Variants in AAGAB observed in about 807,000 individuals in gnomAD.
AAGAB encodes the protein alpha and gamma adaptin binding protein.
AAGAB carries 38 observed loss-of-function variants against 44.1 expected under a neutral mutation model. That is an observed-to-expected ratio of 0.86 (90% CI 0.67 to 1.13). The LOEUF (loss-of-function observed/expected upper bound fraction) is 1.13, where lower values mean the gene tolerates loss of function less well. AAGAB is among the 50% of genes most tolerant of loss of function. The probability of loss-of-function intolerance (pLI) is 0.00; values close to 1 mark genes in which losing one functional copy is unlikely to be tolerated. For synonymous variants in AAGAB, 131 were observed against 131.8 expected, an observed-to-expected ratio of 0.99 and a Z score of 0.04; for missense variants, 450 against 373.8, an observed-to-expected ratio of 1.20 and a Z score of -1.68.
chr15:67,226,820 A>G (rs1964215622), intron 5 of AAGAB: 2 of 161,724 alleles, frequency 1.2e-5, no homozygotes, highest in Non-Finnish European at 2.8e-5. Context: ...TAAATCATGA[A>G]TTCCCATATA....
At chr15:67,205,854 A>G (rs1338945028) in intron 7 of AAGAB, among the ~76,000 whole-genome samples, 4 of 151,254 alleles carry the variant, frequency 2.6e-5, no homozygotes, top group Non-Finnish European at 5.9e-5. Flanking sequence ...GTTTTTGTTG[A>G]TTTGGTTTTG....
Position 67,212,753 on chromosome 15 carries a change from T to TA in AAGAB, c.536-3210dup, listed in dbSNP as rs113442234. Among the ~76,000 whole-genome samples, 864 of 152,352 alleles carry TA rather than the reference T, an allele frequency of 5.7e-3. 6 individuals are homozygous for TA. The highest frequency in any genetic ancestry group is 0.02 in the African/African-American group (816 of 41,580). ...GCATATTAACATTGCTCAAAAAACT[T>TA]AGATGATATTTTATATACCTATGGC... On this transcript the variant is annotated intron_variant, in intron 5 of 9. Coordinates refer to ENST00000261880, the MANE Select transcript of AAGAB (RefSeq NM_024666.5).
chr15:67,241,722 A>G (rs1964604272), intron 1 of AAGAB, among the ~76,000 whole-genome samples: 1 of 152,226 alleles, frequency 6.6e-6, no homozygotes, highest in Non-Finnish European at 1.5e-5. Flanking sequence ...TATGTCTAAG[A>G]AAGTGCAGGC....
Position 67,236,713 on chromosome 15 carries a change from A to G in AAGAB, c.181T>C (p.Cys61Arg), listed in dbSNP as rs1420253695. 2 of 1,613,882 alleles carry G rather than the reference A, an allele frequency of 1.2e-6. No homozygotes were observed. Among genetic ancestry groups the G allele is most frequent in the South Asian group, 1.1e-5 (1 of 91,082 alleles). Reference protein sequence around the residue: ...NKYYSADINLCVVPNKFLVTA... With the variant: ...NKYYSADINLRVVPNKFLVTA... ...ACAAGAAATTTGTTTGGCACCACAC[A>G]TAGATTGATGTCTGCTGAATAGTAT... The change falls in exon 2 of 10, where the codon TGT becomes CGT. Residue 61 changes from cysteine to arginine, a missense_variant. Physicochemically the swap from Cys to Arg is radical, Grantham distance 180. Coordinates refer to ENST00000261880, the MANE Select transcript of AAGAB (RefSeq NM_024666.5).
chr15:67,236,688 A>T lies in AAGAB; in HGVS notation c.206T>A (p.Val69Asp), dbSNP rs756227926. The T allele has an allele frequency of 3.1e-6, 5 of 1,614,128 alleles. No homozygotes were observed. Among genetic ancestry groups the T allele is most frequent in the Non-Finnish European group, 3.4e-6 (4 of 1,180,000 alleles). ...GACAGATTCTGCAATCTCTGCAGTA[A>T]CAAGAAATTTGTTTGGCACCACACA... ...NLCVVPNKFL[V>D]TAEIAESVQA... Residue 69 changes from valine (V) to aspartate (D), a missense_variant, in exon 2 of 10, where the codon GTT (valine) becomes GAT (aspartate). Coordinates refer to ENST00000261880, the MANE Select transcript of AAGAB (RefSeq NM_024666.5).
chr15:67,229,970 C>T (rs1351151271), intron 5 of AAGAB, among the ~76,000 whole-genome samples: 1 of 151,972 alleles, frequency 6.6e-6, no homozygotes, highest in Admixed American at 6.5e-5. Flanking sequence ...CCTCAGCCTC[C>T]TGAGTAGCTG....
chr15:67,246,510 C>T (rs1177682412), intron 1 of AAGAB, among the ~76,000 whole-genome samples: 3 of 152,132 alleles, frequency 2.0e-5, no homozygotes, highest in African/African-American at 7.2e-5. Flanking sequence ...TCTGTGTGTA[C>T]TGGCTCCAAC....
intron 6 of AAGAB, 60 bp from the exon 7 acceptor site, chr15:67,208,718 C>CA: frequency 6.8e-7 from 1 of 1,462,230 alleles, no homozygotes; most frequent in Non-Finnish European, 9.5e-7. Flanking sequence ...GAACTAAATC[C>CA]AAAAAAGCTC....
chr15:67,236,152 T>C, intron 3 of AAGAB, 84 bp from the exon 4 acceptor site: 4 of 1,112,586 alleles, frequency 3.6e-6, no homozygotes, highest in Non-Finnish European at 5.3e-6. Context: ...CAAATCTCAA[T>C]GTGTTTCCCT....
chr15:67,246,233 T>C (rs1261800813), intron 1 of AAGAB, among the ~76,000 whole-genome samples: 1 of 151,768 alleles, frequency 6.6e-6, no homozygotes, highest in Non-Finnish European at 1.5e-5. Context: ...ATACAAATAT[T>C]AGCCAGATGT....
At chr15:67,251,714 G>T (rs1177676007) in intron 1 of AAGAB, among the ~76,000 whole-genome samples, 1 of 152,156 alleles carries the variant, frequency 6.6e-6, no homozygotes, top group African/African-American at 2.4e-5. Context: ...TCCCAAAAAG[G>T]TAGATCCAAT....
intron 4 of AAGAB, among the ~76,000 whole-genome samples, chr15:67,233,152 C>G (rs1276447630): frequency 6.6e-6 from 1 of 152,170 alleles, no homozygotes; most frequent in African/African-American, 2.4e-5. Context: ...AATGCTCTAT[C>G]CTGTGCTGGA....
chr15:67,249,282 C>A lies in AAGAB; in HGVS notation c.73+5277G>T, dbSNP rs549569404. ...ACTCCTGACCTCAGGTGATCAGCCC[C>A]CCTCGGACTCCCAAAGTGCTGGGAT... On this transcript the variant is annotated intron_variant, in intron 1 of 9. Transcript: ENST00000261880. Among the ~76,000 whole-genome samples the A allele has an allele frequency of 6.8e-4, 104 of 152,180 alleles. 4 individuals carry two copies. In the East Asian group the frequency reaches 0.012, roughly 18 times the overall value.
chr15:67,252,890 A>G (rs760642935), intron 1 of AAGAB, among the ~76,000 whole-genome samples: 7 of 152,236 alleles, frequency 4.6e-5, no homozygotes, highest in Non-Finnish European at 1.0e-4. Context: ...GGTGTAGCAA[A>G]GAAATTATAA....
intron 1 of AAGAB, among the ~76,000 whole-genome samples, chr15:67,244,505 A>G (rs1422305684): frequency 6.6e-6 from 1 of 152,168 alleles, no homozygotes; most frequent in Non-Finnish European, 1.5e-5. Flanking sequence ...AACCAATTTA[A>G]AAGCGGGCAA....
intron 5 of AAGAB, chr15:67,220,407 A>G (rs969208095): frequency 6.6e-6 from 1 of 152,204 alleles, no homozygotes; most frequent in Non-Finnish European, 1.5e-5. Context: ...AGTAATATAA[A>G]CCAACACACT....
chr15:67,254,970 C>T (rs1485585315), upstream of AAGAB: 24 of 1,606,062 alleles, frequency 1.5e-5, no homozygotes, highest in Non-Finnish European at 2.0e-5. Flanking sequence ...CTTCCCCCGG[C>T]CCTGCCCTGC....
At chr15:67,205,026 C>T (rs1206457914) in intron 7 of AAGAB, among the ~76,000 whole-genome samples, 2 of 152,200 alleles carry the variant, frequency 1.3e-5, no homozygotes, top group African/African-American at 4.8e-5. Flanking sequence ...TACATGGTTC[C>T]ACTGCATCTT....
chr15:67,203,668 A>G (rs1240228913), intron 8 of AAGAB, 71 bp from the exon 9 acceptor site: 2 of 1,291,710 alleles, frequency 1.5e-6, no homozygotes, highest in African/African-American at 1.5e-5. Flanking sequence ...GAATAACACT[A>G]GAAGATGGGA....
Sources: allele counts gnomAD v4.1 joint callset (sites outside exome capture counted in the v4.1 genomes callset), GRCh38; gene constraint gnomAD v4.1.1; transcripts MANE v1.5; gene names NCBI Gene and HGNC (gene_info 2026-07-23, HGNC 2026-07-21).